The following SP110 variants were observed in gnomAD, a reference collection of about 807,000 sequenced individuals.
SP110 encodes SP110 nuclear body protein.
SP110 carries 62 observed loss-of-function variants against 92.7 expected under a neutral mutation model. The ratio of observed to expected loss-of-function variants is 0.67; its 90% CI spans 0.55 to 0.83. The LOEUF (loss-of-function observed/expected upper bound fraction) is 0.83. SP110 is among the 40% of genes least tolerant of loss of function. The pLI is 0.00. For missense variants in SP110, 793 were observed against 863.9 expected (o/e 0.92, Z 1.03); for synonymous variants, 273 against 305.3 (o/e 0.89, Z 1.10).
chr2:230,179,191 G>A (rs917903862), intron 12 of SP110, among the ~76,000 whole-genome samples: 9 of 152,186 alleles, frequency 5.9e-5, no homozygotes, highest in Non-Finnish European at 1.3e-4. Flanking sequence ...CATTTCTCTG[G>A]AAAGACACAA....
In SP110 at chr2:230,166,587, ATAAC is replaced by A. The variant is rs143673922; in HGVS notation, c.*2533_*2536del. On this transcript the variant is annotated 3_prime_UTR_variant, in exon 19 of 19. Coordinates refer to ENST00000258381, the MANE Select transcript of SP110 (RefSeq NM_080424.4). ...CCCTCTGCAATGGTATATTAAATCT[ATAAC>A]AAACAAAAATAAACTCCACAGAAAT... 0.22 allele frequency among the ~76,000 whole-genome samples: 33,141 copies of A among 152,082 alleles called. 4,352 individuals carry two copies. Among genetic ancestry groups the A allele is most frequent in the Non-Finnish European group, 0.3 (20,154 of 67,962 alleles).
At chr2:230,207,940 C>T (rs779866381) in intron 8 of SP110, 51 bp downstream of exon 8, 6 of 873,902 alleles carry the variant, frequency 6.9e-6, no homozygotes, top group South Asian at 6.8e-5. Context: ...ACCTACAAGC[C>T]CTGCATGAGC....
chr2:230,221,902 G>A (rs931632027), upstream of SP110: 12 of 637,762 alleles, frequency 1.9e-5, no homozygotes, highest in East Asian at 5.5e-5. Context: ...AGACAGCTGC[G>A]AATGAGGATG....
chr2:230,182,376 T>A (rs1045531335), intron 12 of SP110, among the ~76,000 whole-genome samples: 1 of 152,152 alleles, frequency 6.6e-6, no homozygotes, highest in Non-Finnish European at 1.5e-5. Context: ...AGGGGATGGG[T>A]TGATAGGTGC....
chr2:230,221,369 C>T (rs1382601626), upstream of SP110, among the ~76,000 whole-genome samples: 1 of 151,704 alleles, frequency 6.6e-6, no homozygotes, highest in Non-Finnish European at 1.5e-5. Flanking sequence ...CCTACCAGGA[C>T]ATCCACAAAC....
rs143090622 is a variant in SP110, at chr2:230,170,757, C to G, written c.1892G>C (p.Arg631Pro). 6.2e-7 allele frequency: 1 copy of G among 1,614,100 alleles called. No individual in the cohort carries two copies. Among genetic ancestry groups the G allele is most frequent in the African/African-American group, 1.3e-5 (1 of 75,000 alleles). ...SFFTGIPFNIRDYGEPFQEAM... is the reference protein window; with the variant it reads ...SFFTGIPFNIPDYGEPFQEAM... Reference sequence around the variant, plus strand: ...TTCCTGAAAGGGCTCACCGTAATCTCGAATCTTGGGGACAAAGCCACCAGA... The same window carrying G: ...TTCCTGAAAGGGCTCACCGTAATCTGGAATCTTGGGGACAAAGCCACCAGA... Residue 631 changes from arginine (R) to proline (P), a missense_variant, in exon 18 of 19, where the codon CGA becomes CCA. By Grantham distance (103) the Arg-to-Pro change is moderately radical. Transcript: ENST00000258381.
chr2:230,217,245 C>CAA (rs6147220), intron 1 of SP110, among the ~76,000 whole-genome samples: 4,327 of 79,714 alleles, frequency 0.054, 179 homozygotes, highest in East Asian at 0.086. Context: ...GACTCCATCT[C>CAA]AAAAAAAAAA....
chr2:230,200,471 G>A (rs562813240), intron 10 of SP110: 4 of 189,952 alleles, frequency 2.1e-5, no homozygotes, highest in African/African-American at 9.5e-5. Context: ...AAGGCCACAT[G>A]AGAAATATGG....
At chr2:230,221,297 AAG>A (rs2148980575), upstream of SP110, among the ~76,000 whole-genome samples, 1 of 152,168 alleles carries the variant, frequency 6.6e-6, no homozygotes, top group South Asian at 2.1e-4. Context: ...AAAAAAAAAA[AAG>A]AATTCTATGT....
At chr2:230,172,010 T>G in intron 16 of SP110, 56 bp downstream of exon 16, 1 of 1,095,654 alleles carries the variant, frequency 9.1e-7, no homozygotes, top group Non-Finnish European at 1.4e-6. Flanking sequence ...TGTGCCTGTT[T>G]GTGCTTCTCG....
rs146028104 is a variant in SP110, at chr2:230,183,014, A to C, written c.1348+558T>G. On this transcript the variant is annotated intron_variant, in intron 12 of 18. Transcript: ENST00000258381. ...AGCACCTATTATACTTTGATAATGAATAAAAAGGGCCAGTGTGGCTGGCGC... is the reference window on the plus strand; with the variant it reads ...AGCACCTATTATACTTTGATAATGACTAAAAAGGGCCAGTGTGGCTGGCGC... Among the ~76,000 whole-genome samples the C allele has an allele frequency of 2.1e-3, 326 of 152,362 alleles. 1 individual carries two copies. The highest frequency in any genetic ancestry group is 7.1e-3 in the African/African-American group (296 of 41,582).
intron 10 of SP110, among the ~76,000 whole-genome samples, chr2:230,191,073 T>C (rs1333013517): frequency 6.6e-6 from 1 of 151,318 alleles, no homozygotes; most frequent in East Asian, 1.9e-4. Flanking sequence ...TTTAAAATAG[T>C]TTTTTTTTCT....
chr2:230,177,965 G>A (rs116531802), intron 13 of SP110, among the ~76,000 whole-genome samples, 192 bp downstream of exon 13: 83 of 152,260 alleles, frequency 5.5e-4, no homozygotes, highest in African/African-American at 2.0e-3. Flanking sequence ...ACTTCCAGGT[G>A]GGAGTGGAGG....
chr2:230,217,698 G>C (rs2045375076), intron 1 of SP110, among the ~76,000 whole-genome samples: 2 of 152,190 alleles, frequency 1.3e-5, no homozygotes, highest in Non-Finnish European at 1.5e-5. Flanking sequence ...GAGTGGAAGA[G>C]CTGGGAGCAA....
chr2:230,175,386 T>TG (rs1553842677), intron 14 of SP110, among the ~76,000 whole-genome samples: 1 of 151,578 alleles, frequency 6.6e-6, no homozygotes, highest in Non-Finnish European at 1.5e-5. Flanking sequence ...AAGAAAAGTT[T>TG]AAAAAAAAAC....
chr2:230,225,327 T>C (rs2046193682), intron 1 of SP110, among the ~76,000 whole-genome samples: 1 of 152,170 alleles, frequency 6.6e-6, no homozygotes, highest in Admixed American at 6.5e-5. Flanking sequence ...CTCCCCCACT[T>C]TCTAATGCAT....
At chr2:230,214,705 A>AT (rs931829147) in intron 3 of SP110, among the ~76,000 whole-genome samples, 23 of 151,946 alleles carry the variant, frequency 1.5e-4, no homozygotes, top group Non-Finnish European at 2.9e-4. Context: ...AAATTGTATG[A>AT]TTTTTTTCCA....
chr2:230,178,027 A>T, intron 13 of SP110, 130 bp downstream of exon 13: 1 of 720,512 alleles, frequency 1.4e-6, no homozygotes, highest in Non-Finnish European at 2.5e-6. Flanking sequence ...ATTCCTTCCT[A>T]AGAAGCGTTT....
At chr2:230,178,087 G>A (rs963773134) in intron 13 of SP110, 70 bp downstream of exon 13, 118 of 906,580 alleles carry the variant, frequency 1.3e-4, no homozygotes, top group Admixed American at 5.3e-4. Context: ...TTACACACAC[G>A]GGTATTTTCC....
Sources: allele counts gnomAD v4.1 joint callset (sites outside exome capture counted in the v4.1 genomes callset), GRCh38; gene constraint gnomAD v4.1.1; transcripts MANE v1.5; gene names NCBI Gene and HGNC (gene_info 2026-07-23, HGNC 2026-07-21).